The following FBXL16 variants were observed in gnomAD, a reference collection of about 807,000 sequenced individuals.
FBXL16 encodes F-box and leucine rich repeat protein 16.
Under a neutral mutation model 36.7 loss-of-function variants are expected in FBXL16, and 7 were observed. The observed-to-expected ratio is 0.19, with a 90% confidence interval of 0.11 to 0.36. The LOEUF (loss-of-function observed/expected upper bound fraction) is 0.36. Ranked by LOEUF, FBXL16 falls within the 10% of genes least tolerant of loss-of-function variation. The pLI is 1.00. For missense variants in FBXL16, 463 were observed against 659.4 expected (o/e 0.70, Z 3.26); for synonymous variants, 355 against 308.7 (o/e 1.15, Z -1.57).
At chr16:701,376 G>C (rs561565682) in intron 1 of FBXL16, among the ~76,000 whole-genome samples, 1 of 152,154 alleles carries the variant, frequency 6.6e-6, no homozygotes, top group Admixed American at 6.5e-5. Flanking sequence ...CCAATCTCGC[G>C]TCCACGTTCC....
At chr16:694,924 G>A (rs1259542086) in intron 4 of FBXL16, 68 bp downstream of exon 4, 2 of 1,439,456 alleles carry the variant, frequency 1.4e-6, no homozygotes, top group East Asian at 2.5e-5. Context: ...TCTGAGTGGG[G>A]CCGGGAGCTC....
intron 5 of FBXL16, 40 bp from the exon 6 acceptor site, chr16:694,463 A>G (rs1303557474): frequency 5.9e-6 from 9 of 1,523,948 alleles, no homozygotes; most frequent in Non-Finnish European, 7.9e-6. Context: ...CGCGCGGCCC[A>G]GGGCTCGGGC....
intron 2 of FBXL16, among the ~76,000 whole-genome samples, chr16:696,246 TATTC>T (rs146961592): frequency 6.6e-6 from 1 of 150,452 alleles, no homozygotes; most frequent in Non-Finnish European, 1.5e-5. Context: ...TTTATTTATT[TATTC>T]ATTCATTCAT....
Position 694,703 on chromosome 16 carries a change from G to C in FBXL16, c.1228-6C>G, listed in dbSNP as rs754755821. On this transcript the variant is annotated splice_region_variant and splice_polypyrimidine_tract_variant and intron_variant, in intron 4 of 5. Coordinates refer to ENST00000397621, the MANE Select transcript of FBXL16 (RefSeq NM_153350.4). ...TTCAGCCCGAAGTCTTGCACCTGTC[G>C]GGAGTGGAGGAGCGACTTAACGATT... The C allele has an allele frequency of 3.1e-6, 5 of 1,601,876 alleles. No individual in the cohort carries two copies. The Admixed American group carries it at 5.1e-5, about 16-fold the overall frequency.
intron 4 of FBXL16, 76 bp from the exon 5 acceptor site, chr16:694,773 C>G (rs1364813399): frequency 6.7e-7 from 1 of 1,481,708 alleles, no homozygotes; most frequent in Non-Finnish European, 9.2e-7. Context: ...CCATGGAGGG[C>G]TAGGCGGGTT....
At chr16:695,113 C>A (rs2040000349) in intron 3 of FBXL16, 37 bp from the exon 4 acceptor site, 1 of 1,578,522 alleles carries the variant, frequency 6.3e-7, no homozygotes, top group Non-Finnish European at 8.6e-7. Flanking sequence ...ACCTTCAAAT[C>A]ACCTGGCCCC....
At chr16:702,830 T>C (rs1267738159) in intron 1 of FBXL16, among the ~76,000 whole-genome samples, 1 of 152,180 alleles carries the variant, frequency 6.6e-6, no homozygotes, top group Non-Finnish European at 1.5e-5. Context: ...CATCTCCTTT[T>C]CAGCTGGCTC....
intron 1 of FBXL16, among the ~76,000 whole-genome samples, chr16:700,081 G>A (rs1012418242): frequency 1.9e-4 from 29 of 152,266 alleles, no homozygotes; most frequent in African/African-American, 4.8e-4. Flanking sequence ...GTCCTGCCCC[G>A]CTCTTCCCAG....
intron 1 of FBXL16, among the ~76,000 whole-genome samples, chr16:701,875 G>A (rs2040059843): frequency 6.6e-6 from 1 of 152,178 alleles, no homozygotes; most frequent in African/African-American, 2.4e-5. Context: ...ATCCTGTCAA[G>A]GCTCCGGGGC....
At position 692,734 on chromosome 16, in the gene FBXL16, G is replaced by C. The variant is rs1318216147; in HGVS notation, c.*1541C>G. The C allele has an allele frequency of 6.6e-6, 1 of 152,394 alleles. No individual in the cohort carries two copies. The highest frequency in any genetic ancestry group is 1.5e-5 in the Non-Finnish European group (1 of 68,006). 9.4% of individuals were successfully genotyped at this position (152,394 alleles called of 1,614,324 possible). A position where few individuals can be genotyped will look rare whatever the true frequency, so the allele number is the denominator to read the frequency against. Reference sequence around the variant, plus strand: ...CAGCTTCAGTTGCATTAATACTTTGGGCAAATGGACAGCTGCCCCTCCCCA... The same window carrying C: ...CAGCTTCAGTTGCATTAATACTTTGCGCAAATGGACAGCTGCCCCTCCCCA... On this transcript the variant is annotated 3_prime_UTR_variant, in exon 6 of 6. Transcript: ENST00000397621.
intron 1 of FBXL16, among the ~76,000 whole-genome samples, chr16:703,734 G>T (rs374000345): frequency 6.6e-6 from 1 of 152,230 alleles, no homozygotes; most frequent in East Asian, 1.9e-4. Flanking sequence ...CAGCAGGCAC[G>T]TGGCCTCAAG....
rs578204324 is a variant in FBXL16 at position 703,878 on chromosome 16, A to G, written c.-15+1634T>C. 9.4e-4 allele frequency among the ~76,000 whole-genome samples: 143 copies of G among 152,334 alleles called. 1 individual carries two copies. The highest frequency in any genetic ancestry group is 3.2e-3 in the African/African-American group (135 of 41,590). On this transcript the variant is annotated intron_variant, in intron 1 of 5. Coordinates refer to ENST00000397621, the MANE Select transcript of FBXL16 (RefSeq NM_153350.4). ...CATCTCAGCCCCTGCTCGGAAGAGC[A>G]TGAGCACCCTCAGAGGCGAGGCCTG...
intron 1 of FBXL16, among the ~76,000 whole-genome samples, chr16:703,944 A>G (rs976701013): frequency 6.6e-6 from 1 of 152,116 alleles, no homozygotes; most frequent in East Asian, 1.9e-4. Context: ...GCCACTAACC[A>G]TCACCCCTCT....
At position 697,556 on chromosome 16, in the gene FBXL16, G is replaced by A; in HGVS notation, c.-14-137C>T. 8.6e-7 allele frequency: 1 copy of A among 1,161,628 alleles called. No individual in the cohort carries two copies. Among genetic ancestry groups the A allele is most frequent in the Non-Finnish European group, 1.2e-6 (1 of 859,160 alleles). 72.0% of individuals were successfully genotyped at this position (1,161,628 alleles called of 1,614,324 possible). ...CCAGAACCACCAGACAGAGAGGATG[G>A]GAGTGCCTGCTTCTCCCTCCCAGAC... On this transcript the variant is annotated intron_variant, in intron 1 of 5. Transcript: ENST00000397621. The surrounding 1 kb of genome is among the most constrained non-coding windows in gnomAD (Gnocchi z 4.6).
intron 1 of FBXL16, among the ~76,000 whole-genome samples, chr16:704,909 A>G (rs2040080658): frequency 6.6e-6 from 1 of 152,218 alleles, no homozygotes; most frequent in Non-Finnish European, 1.5e-5. Flanking sequence ...AATCCCCAGG[A>G]GGACACCGGA....
intron 1 of FBXL16, among the ~76,000 whole-genome samples, chr16:704,542 C>G (rs146097525): frequency 1.2e-4 from 18 of 152,366 alleles, no homozygotes; most frequent in Non-Finnish European, 1.9e-4. Flanking sequence ...GGCCTCTGCC[C>G]TGGTCCGGGA....
chr16:695,462 C>T lies in FBXL16; in HGVS notation c.1095G>A (p.Glu365=), dbSNP rs1169371337. ...GGCGGTGCAGGTCGCAGGCCACGTA[C>T]TCCAGCGCCATGTCGGTGATGCGTG... ...WCPRITDMAL[E]YVACDLHRLE... is the part of the protein sequence containing the mutation. The change falls in exon 3 of 6, where the codon GAG becomes GAA. Residue 365 remains glutamate, a synonymous_variant. Transcript: ENST00000397621. 2 of 1,569,348 alleles carry T rather than the reference C, an allele frequency of 1.3e-6. No individual in the cohort carries two copies. Among genetic ancestry groups the T allele is most frequent in the African/African-American group, 1.3e-5 (1 of 74,302 alleles).
chr16:700,268 C>T (rs574989539), intron 1 of FBXL16, among the ~76,000 whole-genome samples: 3 of 152,246 alleles, frequency 2.0e-5, no homozygotes, highest in South Asian at 2.1e-4. Context: ...ATGGCAGGAG[C>T]CCCAGCTCCA....
In FBXL16 at chr16:695,230, G is replaced by T. The variant is rs564518234; in HGVS notation, c.1143-154C>A. On this transcript the variant is annotated intron_variant, in intron 3 of 5. Coordinates refer to ENST00000397621, the MANE Select transcript of FBXL16 (RefSeq NM_153350.4). ...CTCCCACCCACCGGGAAGGACGGGG[G>T]TCCAGCCAACCCGTGCTGCGGTTCT... 815 of 1,157,486 alleles carry T rather than the reference G, an allele frequency of 7.0e-4. 1 individual carries two copies. Among genetic ancestry groups the T allele is most frequent in the Non-Finnish European group, 9.2e-4 (769 of 838,590 alleles). The allele number at this position is 1,157,486 out of a possible 1,614,324, so 71.7% of individuals were successfully genotyped here.
Sources: gnomAD v4.1 joint callset for allele counts (sites outside exome capture counted in the v4.1 genomes callset) on GRCh38, gnomAD v4.1.1 for gene constraint, Gnocchi (gnomAD v3.1) non-coding constraint, MANE v1.5 for transcripts, NCBI Gene and HGNC (gene_info 2026-07-23, HGNC 2026-07-21) for gene names.